Variants in DMD observed in about 807,000 individuals in gnomAD.
DMD encodes dystrophin.
A neutral mutation model predicts 330.1 loss-of-function variants in DMD; 63 were observed. The observed-to-expected ratio is 0.19, with a 90% CI of 0.16 to 0.24. The LOEUF is 0.24. Among genes scored for constraint, DMD ranks in the 10% least tolerant of loss-of-function variants. DMD has a pLI of 1.00. For synonymous variants in DMD, 1,223 were observed against 959.8 expected (o/e 1.27, Z -5.07); for missense variants, 3,344 against 2,684.1 (o/e 1.25, Z -5.43).
At chrX:31,986,624 A>G (rs1446793802) in intron 44 of DMD, among the ~76,000 whole-genome samples, 1 of 111,271 alleles carries the variant, frequency 9.0e-6, no homozygotes, top group Non-Finnish European at 1.9e-5. Flanking sequence ...GTTGGCCAGG[A>G]TGGTGTCGAT....
intron 1 of DMD, among the ~76,000 whole-genome samples, chrX:33,023,716 A>G (rs376174011): frequency 8.9e-6 from 1 of 111,856 alleles, no homozygotes; most frequent in Admixed American, 9.5e-5. Context: ...ATAATTATAT[A>G]TTGGTAATTC....
chrX:31,680,369 TTTTC>T (rs2082309751), intron 52 of DMD, among the ~76,000 whole-genome samples: 1 of 110,269 alleles, frequency 9.1e-6, no homozygotes, highest in Admixed American at 9.6e-5. Flanking sequence ...AACTTCTTCT[TTTTC>T]TTTCTTTTTT....
At chrX:31,894,411 T>G (rs10521982) in intron 47 of DMD, among the ~76,000 whole-genome samples, 21,796 of 110,780 alleles carry the variant, frequency 0.2, 1,994 homozygotes, top group African/African-American at 0.35. Context: ...GCAGCTACAT[T>G]CCCGATGATG....
intron 63 of DMD, among the ~76,000 whole-genome samples, chrX:31,225,928 C>A (rs1258806300): frequency 8.9e-6 from 1 of 112,056 alleles, no homozygotes; most frequent in Non-Finnish European, 1.9e-5. Context: ...AATAAATGCT[C>A]CTAAGTGACA....
Position 31,310,225 on chromosome X carries a change from A to ATATG in DMD, c.9224+13372_9224+13373insCATA, listed in dbSNP as rs1556481824. On this transcript the variant is annotated intron_variant, in intron 62 of 78. Transcript: ENST00000357033. ...TCTCTCCATATATATATATATATATATGTGTGTGTGTCTGTGTATGTATGT... is the reference window on the plus strand; with the variant it reads ...TCTCTCCATATATATATATATATATATATGTGTGTGTGTGTCTGTGTATGTATGT... Among the ~76,000 whole-genome samples the ATATG allele has an allele frequency of 1.4e-3, 121 of 89,324 alleles. 1 individual carries two copies. The highest frequency in any genetic ancestry group is 4.9e-3 in the African/African-American group (105 of 21,221). The allele number at this position is 89,324 out of a possible 115,157, so 77.6% of individuals were successfully genotyped here.
chrX:32,360,502 C>T lies in DMD; in HGVS notation c.5325+2286G>A, dbSNP rs186219669. ...TGTTAATTAACATATAATTGAAAAT[C>T]TGGGGCCAGGCACAGTGGTTCACGC... On this transcript the variant is annotated intron_variant, in intron 37 of 78. Transcript: ENST00000357033. Among the ~76,000 whole-genome samples, 532 of 111,072 alleles carry T rather than the reference C, an allele frequency of 4.8e-3. 1 individual carries two copies. The highest frequency in any genetic ancestry group is 0.016 in the African/African-American group (487 of 30,563).
At chrX:32,788,128 C>G (rs1244820676) in intron 7 of DMD, among the ~76,000 whole-genome samples, 2 of 111,534 alleles carry the variant, frequency 1.8e-5, no homozygotes, top group Non-Finnish European at 3.8e-5. Context: ...AAAGTTAAAT[C>G]AACCCTAGGT....
At position 32,252,825 on chromosome X, in the gene DMD, T is replaced by A. The variant is rs868590339; in HGVS notation, c.6290+34704A>T. On this transcript the variant is annotated intron_variant, in intron 43 of 78. Transcript: ENST00000357033. Reference sequence around the variant, plus strand: ...ATATAAATATATATAAGTATATAAATATATATAAATATATATAAATATATA... The same window carrying A: ...ATATAAATATATATAAGTATATAAAAATATATAAATATATATAAATATATA... 1.2e-3 allele frequency among the ~76,000 whole-genome samples: 74 copies of A among 62,786 alleles called. 8 individuals carry two copies. The highest frequency in any genetic ancestry group is 6.0e-3 in the African/African-American group (74 of 12,266). 54.5% of individuals were successfully genotyped at this position (62,786 alleles called of 115,157 possible).
chrX:32,111,097 A>G (rs2146628338), intron 44 of DMD, among the ~76,000 whole-genome samples: 1 of 112,429 alleles, frequency 8.9e-6, no homozygotes, highest in East Asian at 2.8e-4. Context: ...ACCCCAAACC[A>G]ACAAATATAT....
intron 44 of DMD, among the ~76,000 whole-genome samples, chrX:32,200,304 C>A (rs187982943): frequency 1.8e-5 from 2 of 111,862 alleles, no homozygotes; most frequent in African/African-American, 6.5e-5. Context: ...TTATAAAAAA[C>A]TCATGATGCT....
At chrX:32,807,143 A>C (rs1287338872) in intron 7 of DMD, among the ~76,000 whole-genome samples, 3 of 104,148 alleles carry the variant, frequency 2.9e-5, no homozygotes, top group Non-Finnish European at 5.9e-5. Context: ...AAAAAAAAAA[A>C]AAAAAACATC....
intron 60 of DMD, among the ~76,000 whole-genome samples, chrX:31,369,198 G>C (rs1296823477): frequency 1.8e-5 from 2 of 112,584 alleles, no homozygotes; most frequent in Admixed American, 1.9e-4. Context: ...ATTTAATCCA[G>C]AATCTGATAA....
intron 67 of DMD, among the ~76,000 whole-genome samples, chrX:31,191,420 G>A (rs1405117891): frequency 1.8e-5 from 2 of 111,523 alleles, no homozygotes; most frequent in African/African-American, 3.3e-5. Context: ...GTTTGGCTGT[G>A]TCCCCACCCA....
At chrX:32,267,903 A>C (rs1157663253) in intron 43 of DMD, among the ~76,000 whole-genome samples, 1 of 112,264 alleles carries the variant, frequency 8.9e-6, no homozygotes, top group Non-Finnish European at 1.9e-5. Flanking sequence ...TAAAGCTGTA[A>C]AGCAAGACTC....
At chrX:32,170,846 G>A (rs919512714) in intron 44 of DMD, among the ~76,000 whole-genome samples, 7 of 111,018 alleles carry the variant, frequency 6.3e-5, no homozygotes, top group Non-Finnish European at 1.1e-4. Context: ...ATCCCTCAGC[G>A]TGCAGCAGAA....
chrX:31,914,181 T>C (rs966104404), intron 47 of DMD, among the ~76,000 whole-genome samples: 7 of 111,942 alleles, frequency 6.3e-5, no homozygotes, highest in Non-Finnish European at 1.3e-4. Context: ...ACTGGATTTA[T>C]AGTCTAGGTC....
At chrX:31,240,240 A>G (rs1178463389) in intron 63 of DMD, among the ~76,000 whole-genome samples, 1 of 111,917 alleles carries the variant, frequency 8.9e-6, no homozygotes, top group Non-Finnish European at 1.9e-5. Context: ...AAAAGGTAAT[A>G]GCATCAAAGA....
intron 44 of DMD, among the ~76,000 whole-genome samples, chrX:32,150,652 G>A (rs755358827): frequency 4.5e-5 from 5 of 111,461 alleles, no homozygotes; most frequent in Non-Finnish European, 9.4e-5. Context: ...CATATGAGAT[G>A]CTGAATTTAT....
At chrX:31,351,777 A>G (rs2058440625) in intron 60 of DMD, among the ~76,000 whole-genome samples, 1 of 108,327 alleles carries the variant, frequency 9.2e-6, no homozygotes, top group African/African-American at 3.4e-5. Context: ...TATAATGTGC[A>G]GGGCACCACA....
Sources: gnomAD v4.1 joint callset for allele counts (sites outside exome capture counted in the v4.1 genomes callset) on GRCh38, gnomAD v4.1.1 for gene constraint, MANE v1.5 for transcripts, NCBI Gene and HGNC (gene_info 2026-07-23, HGNC 2026-07-21) for gene names.